Variants in AANAT observed in about 807,000 individuals in gnomAD.
AANAT encodes serotonin N-acetyltransferase.
Under a neutral mutation model 15.6 loss-of-function variants are expected in AANAT, and 11 were observed. The observed-to-expected ratio is 0.71, with a 90% CI of 0.44 to 1.17. AANAT has a LOEUF of 1.17. AANAT is among the 50% of genes most tolerant of loss of function. The pLI is 0.00. For missense variants in AANAT, 286 were observed against 296.3 expected (o/e 0.97, Z 0.26); for synonymous variants, 139 against 131.5 (o/e 1.06, Z -0.39).
In AANAT at chr17:76,468,716, G is replaced by C; in HGVS notation, c.-31G>C. 1 of 1,595,662 alleles carries C rather than the reference G, an allele frequency of 6.3e-7. No individual in the cohort carries two copies. The highest frequency in any genetic ancestry group is 8.5e-7 in the Non-Finnish European group (1 of 1,173,074). The stretch of plus-strand genomic sequence containing the variant: ...GGCTTAGGAGGACACTTCCAAAGCT[G>C]GGGCGCCCCAAGGAGGCACCAGTGG... On this transcript the variant is annotated 5_prime_UTR_variant, in exon 2 of 4. Transcript: ENST00000392492.
chr17:76,468,632 G>T, intron 1 of AANAT, 40 bp from the exon 2 acceptor site: 1 of 1,495,996 alleles, frequency 6.7e-7, no homozygotes. Flanking sequence ...CCTCCCTGGA[G>T]ATGAGGATGA....
chr17:76,467,084 G>C (rs1390320598), upstream of AANAT, among the ~76,000 whole-genome samples: 1 of 152,076 alleles, frequency 6.6e-6, no homozygotes, highest in Non-Finnish European at 1.5e-5. Flanking sequence ...CATCCCGAGG[G>C]AATGCCAGCA....
At chr17:76,468,536 AC>A in intron 1 of AANAT, 135 bp from the exon 2 acceptor site, 1 of 719,676 alleles carries the variant, frequency 1.4e-6, no homozygotes, top group Non-Finnish European at 2.2e-6. Context: ...GGGACCAGGT[AC>A]CTGGGGAATG....
upstream of AANAT, among the ~76,000 whole-genome samples, chr17:76,464,211 G>A (rs563635487): frequency 1.3e-5 from 2 of 152,286 alleles, no homozygotes; most frequent in South Asian, 4.1e-4. Context: ...GCATGGTGGT[G>A]TGCGCCCGTA....
chr17:76,455,455 G>GA (rs1447240858), intron 1 of AANAT, among the ~76,000 whole-genome samples: 1 of 151,894 alleles, frequency 6.6e-6, no homozygotes, highest in Admixed American at 6.6e-5. Context: ...TATCTCAAAA[G>GA]AAAAAAACTA....
upstream of AANAT, among the ~76,000 whole-genome samples, chr17:76,464,802 T>A (rs879820447): frequency 7.3e-4 from 110 of 151,634 alleles, no homozygotes; most frequent in Middle Eastern, 3.4e-3. Context: ...TCTATATATT[T>A]TTTTTTTTTG....
upstream of AANAT, among the ~76,000 whole-genome samples, chr17:76,465,429 A>G (rs1436847782): frequency 6.9e-6 from 1 of 145,834 alleles, no homozygotes; most frequent in Non-Finnish European, 1.5e-5. Flanking sequence ...TGAACCACCT[A>G]GGCTCAAGTG....
At chr17:76,456,488 A>T (rs2143960189) in intron 1 of AANAT, among the ~76,000 whole-genome samples, 1 of 152,340 alleles carries the variant, frequency 6.6e-6, no homozygotes, top group South Asian at 2.1e-4. Context: ...ACTAAGATAT[A>T]GAACAAATGG....
chr17:76,458,240 TA>T (rs1240580278), intron 1 of AANAT, among the ~76,000 whole-genome samples: 3 of 152,060 alleles, frequency 2.0e-5, no homozygotes, highest in Non-Finnish European at 2.9e-5. Context: ...TGAGACTCAG[TA>T]AATTCCTACC....
In AANAT at chr17:76,469,592, C is replaced by A. The variant is rs2073492933; in HGVS notation, c.319-73C>A. 1 of 1,415,008 alleles carries A rather than the reference C, an allele frequency of 7.1e-7. No individual in the cohort carries two copies. Among genetic ancestry groups the A allele is most frequent in the Non-Finnish European group, 9.2e-7 (1 of 1,081,992 alleles). The allele number at this position is 1,415,008 out of a possible 1,614,324, so 87.7% of individuals were successfully genotyped here. A position where few individuals can be genotyped will look rare whatever the true frequency, so the allele number is the denominator to read the frequency against. ...GCACCCAGGGGACACCTGCTCCCTG[C>A]CTGGGTTGGTGGTTGGGGGGGAGCA... is the stretch of plus-strand genomic sequence containing the variant. On this transcript the variant is annotated intron_variant, in intron 3 of 3. Coordinates refer to ENST00000392492, the MANE Select transcript of AANAT (RefSeq NM_001088.3). The surrounding 1 kb of genome is among the most constrained non-coding windows in gnomAD (Gnocchi z 5.2).
intron 1 of AANAT, among the ~76,000 whole-genome samples, chr17:76,454,422 T>C (rs1387585231): frequency 6.6e-6 from 1 of 150,970 alleles, no homozygotes; most frequent in Non-Finnish European, 1.5e-5. Flanking sequence ...GAGGCTGAGG[T>C]TGCAGTGAGC....
At chr17:76,458,880 G>A (rs1325366828) in intron 1 of AANAT, among the ~76,000 whole-genome samples, 4 of 152,246 alleles carry the variant, frequency 2.6e-5, no homozygotes, top group Admixed American at 2.6e-4. Context: ...GGGGGGTGGG[G>A]TGGGAGGTGA....
In AANAT at chr17:76,469,003, G is replaced by A. The variant is rs1399415761; in HGVS notation, c.163+94G>A. 1 of 1,491,766 alleles carries A rather than the reference G, an allele frequency of 6.7e-7. No homozygotes were observed. Among genetic ancestry groups the A allele is most frequent in the African/African-American group, 1.4e-5 (1 of 72,428 alleles). The allele number at this position is 1,491,766 out of a possible 1,614,324, so 92.4% of individuals were successfully genotyped here. A position where few individuals can be genotyped will look rare whatever the true frequency, so the allele number is the denominator to read the frequency against. On this transcript the variant is annotated intron_variant, in intron 2 of 3. Coordinates refer to ENST00000392492, the MANE Select transcript of AANAT (RefSeq NM_001088.3). The surrounding 1 kb of genome is among the most constrained non-coding windows in gnomAD (Gnocchi z 5.2). ...CTTAGTCTCCTGTCCTTGGAGGCTGGGTCCCAGAGTATCAGACCATGTGTG... is the reference window on the plus strand; with the variant it reads ...CTTAGTCTCCTGTCCTTGGAGGCTGAGTCCCAGAGTATCAGACCATGTGTG...
chr17:76,456,168 C>G (rs2073341111), intron 1 of AANAT, among the ~76,000 whole-genome samples: 1 of 151,696 alleles, frequency 6.6e-6, no homozygotes, highest in Admixed American at 6.6e-5. Flanking sequence ...CCCATCTCTA[C>G]TAAAAATACA....
chr17:76,460,181 C>T (rs1050950124), intron 2 of AANAT, among the ~76,000 whole-genome samples: 1 of 116,234 alleles, frequency 8.6e-6, no homozygotes, highest in Non-Finnish European at 1.6e-5. Context: ...CAGAGTCTCT[C>T]TCTGTTGCTC....
At chr17:76,458,843 G>T (rs970651095) in intron 1 of AANAT, among the ~76,000 whole-genome samples, 3 of 152,180 alleles carry the variant, frequency 2.0e-5, no homozygotes, top group African/African-American at 7.2e-5. Flanking sequence ...GAAGGCTAGG[G>T]TGCCTTAGGC....
rs760577959 is a variant in AANAT at position 76,468,689 on chromosome 17, T to G, written c.-58T>G. 3.8e-6 allele frequency: 6 copies of G among 1,561,804 alleles called. No individual in the cohort carries two copies. In the African/African-American group the frequency reaches 8.1e-5, roughly 21 times the overall value. Reference sequence around the variant, plus strand: ...TCCAACAGGTGCTGGGAGGCCCTCCTTGGCTTAGGAGGACACTTCCAAAGC... The same window carrying G: ...TCCAACAGGTGCTGGGAGGCCCTCCGTGGCTTAGGAGGACACTTCCAAAGC... On this transcript the variant is annotated 5_prime_UTR_variant, in exon 2 of 4. Transcript: ENST00000392492.
intron 1 of AANAT, among the ~76,000 whole-genome samples, chr17:76,456,255 C>T (rs779734347): frequency 3.3e-5 from 5 of 151,086 alleles, no homozygotes; most frequent in Non-Finnish European, 5.9e-5. Context: ...CACTTGAACC[C>T]GGGAGGTGGA....
chr17:76,467,406 C>A, upstream of AANAT: 1 of 344,322 alleles, frequency 2.9e-6, no homozygotes, highest in Non-Finnish European at 4.1e-6. Context: ...TAGCCCCACG[C>A]TCTCTTCCCC....
Sources: allele counts gnomAD v4.1 joint callset (sites outside exome capture counted in the v4.1 genomes callset), GRCh38; gene constraint gnomAD v4.1.1; non-coding constraint Gnocchi (gnomAD v3.1); transcripts MANE v1.5; gene names NCBI Gene and HGNC (gene_info 2026-07-23, HGNC 2026-07-21).